CUBN: variants seen among roughly 807,000 people sequenced by gnomAD.
CUBN encodes the protein cubilin.
CUBN carries 282 observed loss-of-function variants against 405.3 expected under a neutral mutation model. The ratio of observed to expected loss-of-function variants is 0.70; its 90% CI spans 0.63 to 0.77. The LOEUF (loss-of-function observed/expected upper bound fraction) is 0.77, where lower values mean the gene tolerates loss of function less well. Ranked by LOEUF, CUBN falls within the 30% of genes least tolerant of loss-of-function variation. The pLI is 0.00. For missense variants in CUBN, 4,514 were observed against 4,475.2 expected (o/e 1.01, Z -0.25); for synonymous variants, 1,684 against 1,617.0 (o/e 1.04, Z -0.99).
chr10:17,053,049 A>G (rs931735465), intron 22 of CUBN, among the ~76,000 whole-genome samples: 4 of 151,928 alleles, frequency 2.6e-5, no homozygotes, highest in African/African-American at 7.2e-5. Context: ...GTTAAGGAGT[A>G]TATTTTTAGA....
chr10:17,118,023 T>C (rs1020367639), intron 6 of CUBN, among the ~76,000 whole-genome samples: 16 of 152,310 alleles, frequency 1.1e-4, no homozygotes, highest in Admixed American at 2.6e-4. Context: ...TGACATAAGA[T>C]TTGAGAGGAG....
chr10:16,927,408 C>T (rs1316139668), intron 41 of CUBN, among the ~76,000 whole-genome samples: 1 of 152,174 alleles, frequency 6.6e-6, no homozygotes, highest in Non-Finnish European at 1.5e-5. Context: ...TGCAGCCTGC[C>T]TCCCTTGAGC....
intron 64 of CUBN, among the ~76,000 whole-genome samples, 154 bp from the exon 65 acceptor site, chr10:16,831,571 G>C (rs1012641328): frequency 6.6e-6 from 1 of 152,218 alleles, no homozygotes; most frequent in Non-Finnish European, 1.5e-5. Context: ...ACATGCAGAA[G>C]TCACCTTCAC....
rs1839680516 is a variant in CUBN, at chr10:16,851,422, C to T, written c.9476G>A (p.Gly3159Asp). The T allele has an allele frequency of 6.2e-7, 1 of 1,614,122 alleles. No homozygotes were observed. The change falls in exon 60 of 67, where the codon GGT becomes GAT. Residue 3159 changes from glycine to aspartate, a missense_variant. This residue lies in a region of CUBN where 1,186 missense variants were observed against 1,186.9 expected (regional missense o/e 1.00). Coordinates refer to ENST00000377833, the MANE Select transcript of CUBN (RefSeq NM_001081.4). ...GGTATTATTCGAGCCTGTCAGATAACCACCACATCCTTGCTGAGGCCCTGC... is the reference window on the plus strand; with the variant it reads ...GGTATTATTCGAGCCTGTCAGATAATCACCACATCCTTGCTGAGGCCCTGC... ...QTLGPQQGCG[G>D]YLTGSNNTFA... is the part of the protein sequence containing the mutation.
rs556152970 is a variant in CUBN, at chr10:16,824,852, G to A, written c.*123C>T. 8.3e-5 allele frequency: 63 copies of A among 762,500 alleles called. No homozygotes were observed. The South Asian group carries it at 9.2e-4, about 11-fold the overall frequency. 47.2% of individuals were successfully genotyped at this position (762,500 alleles called of 1,614,324 possible). ...ATATTGATTCTATCCATGGTTTGGT[G>A]AAAAACCATACAAGTTCAGCTTATT... On this transcript the variant is annotated 3_prime_UTR_variant, in exon 67 of 67. Coordinates refer to ENST00000377833, the MANE Select transcript of CUBN (RefSeq NM_001081.4).
intron 65 of CUBN, among the ~76,000 whole-genome samples, chr10:16,830,360 G>C (rs1212678874): frequency 6.6e-6 from 1 of 152,136 alleles, no homozygotes; most frequent in Non-Finnish European, 1.5e-5. Flanking sequence ...TATTTAAAGT[G>C]AGTTCTGTTT....
intron 66 of CUBN, among the ~76,000 whole-genome samples, chr10:16,826,093 G>A (rs977131522): frequency 1.3e-5 from 2 of 151,940 alleles, no homozygotes; most frequent in South Asian, 2.1e-4. Context: ...TGTTTGTCCC[G>A]TTATTCTCTC....
chr10:16,877,043 CCT>C lies in CUBN; in HGVS notation c.8958_8959del (p.Gly2987LeufsTer15). ...AAATGGGGTGGACATGACGCTGTAA[CCT>C]CTGATAATGTGCACGCCATCGTTGA... On this transcript the variant is annotated frameshift_variant, in exon 57 of 67. Coordinates refer to ENST00000377833, the MANE Select transcript of CUBN (RefSeq NM_001081.4). LOFTEE classifies it high-confidence loss of function. 3 of 1,614,138 alleles carry C rather than the reference CCT, an allele frequency of 1.9e-6. No individual in the cohort carries two copies. The highest frequency in any genetic ancestry group is 2.5e-6 in the Non-Finnish European group (3 of 1,180,024).
At chr10:16,881,639 C>T (rs531108668) in intron 56 of CUBN, among the ~76,000 whole-genome samples, 1 of 152,254 alleles carries the variant, frequency 6.6e-6, no homozygotes, top group Admixed American at 6.5e-5. Flanking sequence ...TATCTGGCAA[C>T]TTATTTCATG....
chr10:17,033,073 G>C (rs1344241082), intron 27 of CUBN, among the ~76,000 whole-genome samples: 1 of 152,116 alleles, frequency 6.6e-6, no homozygotes, highest in Non-Finnish European at 1.5e-5. Context: ...GTTTATTCTG[G>C]TAGCCAGAGT....
At chr10:17,062,456 A>AG (rs1221807030) in intron 22 of CUBN, among the ~76,000 whole-genome samples, 2 of 152,238 alleles carry the variant, frequency 1.3e-5, no homozygotes, top group Non-Finnish European at 2.9e-5. Flanking sequence ...AATATTTTGT[A>AG]GTTTGAATGA....
chr10:16,876,982 G>A lies in CUBN; in HGVS notation c.9021C>T (p.Leu3007=). 6 of 1,614,190 alleles carry A rather than the reference G, an allele frequency of 3.7e-6. No homozygotes were observed. Among genetic ancestry groups the A allele is most frequent in the South Asian group, 1.1e-5 (1 of 91,086 alleles). The change falls in exon 57 of 67, where the codon CTC becomes CTT. Residue 3007 remains leucine, a synonymous_variant. Coordinates refer to ENST00000377833, the MANE Select transcript of CUBN (RefSeq NM_001081.4). The stretch of plus-strand genomic sequence containing the variant: ...TAAGCAGAACCGGCCCAGCGATGGT[G>A]AGGGGAGCTGGCATCTCATCCCCAC... The part of the protein sequence containing the change: ...TVCGDEMPAP[L]TIAGPVLLNF...
At chr10:16,985,643 G>A (rs1018544516) in intron 29 of CUBN, among the ~76,000 whole-genome samples, 16 of 152,166 alleles carry the variant, frequency 1.1e-4, no homozygotes, top group Non-Finnish European at 2.2e-4. Flanking sequence ...CCACTAGACC[G>A]TACTGTGGGT....
At chr10:16,960,253 A>G (rs1303588107) in intron 31 of CUBN, among the ~76,000 whole-genome samples, 2 of 152,232 alleles carry the variant, frequency 1.3e-5, no homozygotes, top group South Asian at 4.1e-4. Flanking sequence ...GCACTTTGGG[A>G]GACCGAGGCA....
chr10:16,987,645 C>T (rs781174303), intron 29 of CUBN, among the ~76,000 whole-genome samples: 1 of 152,166 alleles, frequency 6.6e-6, no homozygotes, highest in Non-Finnish European at 1.5e-5. Context: ...CACTCACATG[C>T]AGGCTGAGAA....
chr10:16,998,914 G>A (rs559327335), intron 28 of CUBN, among the ~76,000 whole-genome samples: 75 of 152,306 alleles, frequency 4.9e-4, no homozygotes, highest in South Asian at 1.0e-3. Context: ...GTCAATGAAC[G>A]TTTAGAAAGT....
chr10:16,871,031 TTTC>T (rs1440789620), intron 58 of CUBN, among the ~76,000 whole-genome samples: 1 of 148,314 alleles, frequency 6.7e-6, no homozygotes, highest in Non-Finnish European at 1.5e-5. Flanking sequence ...TCTTCTGCTT[TTTC>T]TTTTTTTTTT....
intron 56 of CUBN, 34 bp from the exon 57 acceptor site, chr10:16,877,131 A>C: frequency 6.3e-7 from 1 of 1,578,760 alleles, no homozygotes; most frequent in Non-Finnish European, 8.7e-7. Context: ...CATTATGATC[A>C]GAACCTACAC....
chr10:17,100,002 T>C lies in CUBN; in HGVS notation c.1765+3A>G. ...TTGCTTTTTTCTCCAGGTTCACACA[T>C]ACCTGGTTGCTGTGTTTCCCATCTT... On this transcript the variant is annotated splice_donor_region_variant and intron_variant, in intron 14 of 66. Coordinates refer to ENST00000377833, the MANE Select transcript of CUBN (RefSeq NM_001081.4). The C allele has an allele frequency of 6.2e-7, 1 of 1,602,116 alleles. No individual in the cohort carries two copies. The highest frequency in any genetic ancestry group is 1.1e-5 in the South Asian group (1 of 90,762).
Sources: gnomAD v4.1 joint callset for allele counts (sites outside exome capture counted in the v4.1 genomes callset) on GRCh38, gnomAD v4.1.1 for gene constraint, gnomAD v4.1.1 regional missense constraint, MANE v1.5 for transcripts, NCBI Gene and HGNC (gene_info 2026-07-23, HGNC 2026-07-21) for gene names.